Variants in KIF26B observed in about 807,000 individuals in gnomAD.
KIF26B encodes the protein kinesin-like protein KIF26B.
In KIF26B, 63 loss-of-function variants were observed where a neutral mutation model predicts 151.2. That is an observed-to-expected ratio of 0.42 (90% CI 0.34 to 0.51). The LOEUF is 0.51. Among genes scored for constraint, KIF26B ranks in the 20% least tolerant of loss-of-function variants. The probability of loss-of-function intolerance (pLI) is 0.07; values close to 1 mark genes in which losing one functional copy is unlikely to be tolerated. For missense variants in KIF26B, 2,813 were observed against 2,913.6 expected (o/e 0.97, Z 0.79); for synonymous variants, 1,357 against 1,262.1 (o/e 1.08, Z -1.59).
chr1:245,236,431 C>T (rs1251963644), intron 2 of KIF26B, among the ~76,000 whole-genome samples: 1 of 152,018 alleles, frequency 6.6e-6, no homozygotes, highest in East Asian at 1.9e-4. Flanking sequence ...AAGGATATTG[C>T]GTATAAAATG....
intron 2 of KIF26B, among the ~76,000 whole-genome samples, chr1:245,260,657 G>A (rs1670618215): frequency 6.6e-6 from 1 of 152,152 alleles, no homozygotes; most frequent in African/African-American, 2.4e-5. Context: ...GCAGGAAGAG[G>A]GAAGTACTTC....
intron 2 of KIF26B, among the ~76,000 whole-genome samples, chr1:245,363,857 G>A (rs140214455): frequency 5.4e-4 from 82 of 152,336 alleles, no homozygotes; most frequent in Non-Finnish European, 1.0e-3. Flanking sequence ...GCCCAGCTGT[G>A]CTGAATGGCT....
At chr1:245,521,597 G>A (rs1661111985) in intron 4 of KIF26B, among the ~76,000 whole-genome samples, 1 of 152,010 alleles carries the variant, frequency 6.6e-6, no homozygotes, top group Non-Finnish European at 1.5e-5. Context: ...AGACTGGAAG[G>A]ACCCCCAGGC....
intron 10 of KIF26B, among the ~76,000 whole-genome samples, chr1:245,657,666 C>T (rs2147930257): frequency 6.6e-6 from 1 of 152,256 alleles, no homozygotes; most frequent in Admixed American, 6.5e-5. Context: ...CACCCCACCC[C>T]CACAGTCACA....
At position 245,512,483 on chromosome 1, in the gene KIF26B, A is replaced by C. The variant is rs2103084767; in HGVS notation, c.1167-28284A>C. 6.6e-6 allele frequency among the ~76,000 whole-genome samples: 1 copy of C among 152,296 alleles called. No individual in the cohort carries two copies. Among genetic ancestry groups the C allele is most frequent in the South Asian group, 2.1e-4 (1 of 4,826 alleles). The stretch of plus-strand genomic sequence containing the variant: ...TCAGTTCTGTGAGCAGTAGAATGAG[A>C]TCATATCTTACAAACCTGACCCAAA... On this transcript the variant is annotated intron_variant, in intron 4 of 14. Transcript: ENST00000407071. The surrounding 1 kb of genome is among the most constrained non-coding windows in gnomAD (Gnocchi z 4.3).
intron 3 of KIF26B, among the ~76,000 whole-genome samples, chr1:245,413,351 A>G (rs1674333473): frequency 6.6e-6 from 1 of 152,196 alleles, no homozygotes; most frequent in Non-Finnish European, 1.5e-5. Context: ...ACGCAGATGT[A>G]AGCCATAGTC....
At chr1:245,537,823 G>A (rs1661519811) in intron 4 of KIF26B, among the ~76,000 whole-genome samples, 2 of 152,198 alleles carry the variant, frequency 1.3e-5, no homozygotes, top group South Asian at 4.1e-4. Context: ...TGGAATTGTT[G>A]AAGAGGTAAT....
intron 9 of KIF26B, among the ~76,000 whole-genome samples, chr1:245,630,880 A>G (rs114354770): frequency 0.012 from 1,885 of 152,004 alleles, 43 homozygotes; most frequent in African/African-American, 0.043. Flanking sequence ...ACCTCCTTAC[A>G]TTTATTCCTA....
chr1:245,336,025 C>A (rs1672222867), intron 2 of KIF26B, among the ~76,000 whole-genome samples: 1 of 112,648 alleles, frequency 8.9e-6, no homozygotes, highest in Non-Finnish European at 1.6e-5. Flanking sequence ...AGGGAGAGTC[C>A]CACGCAGGGA....
At chr1:245,477,951 A>T (rs1446843050) in intron 4 of KIF26B, among the ~76,000 whole-genome samples, 1 of 151,564 alleles carries the variant, frequency 6.6e-6, no homozygotes, top group Non-Finnish European at 1.5e-5. Flanking sequence ...CATTTTCTTC[A>T]CCCCAAAAAT....
chr1:245,198,949 G>C (rs1669246433), intron 2 of KIF26B, among the ~76,000 whole-genome samples: 3 of 151,504 alleles, frequency 2.0e-5, no homozygotes, highest in Non-Finnish European at 3.0e-5. Context: ...GCAGCGTCGG[G>C]GGAGGCGGGA....
At chr1:245,422,746 C>T (rs916410810) in intron 4 of KIF26B, among the ~76,000 whole-genome samples, 4 of 152,132 alleles carry the variant, frequency 2.6e-5, no homozygotes, top group East Asian at 1.9e-4. Context: ...TCTGAGTCTG[C>T]GGGGCCCTGG....
At chr1:245,416,112 CAA>C (rs375247191) in intron 3 of KIF26B, among the ~76,000 whole-genome samples, 41,730 of 124,760 alleles carry the variant, frequency 0.33, 6,504 homozygotes, top group South Asian at 0.42. Flanking sequence ...AGTAAAAATA[CAA>C]AAAAAAAAAA....
chr1:245,394,684 CTTTCTTTTT>C (rs1400751285), intron 3 of KIF26B, among the ~76,000 whole-genome samples: 17 of 124,420 alleles, frequency 1.4e-4, no homozygotes, highest in African/African-American at 6.3e-4. Context: ...AAGTTTTTTT[CTTTCTTTTT>C]TTTTTTTTTT....
intron 5 of KIF26B, among the ~76,000 whole-genome samples, chr1:245,576,409 T>C (rs2103126141): frequency 6.6e-6 from 1 of 151,962 alleles, no homozygotes; most frequent in African/African-American, 2.4e-5. Flanking sequence ...TTTGTGGAGG[T>C]GTAGTGAATT....
intron 4 of KIF26B, among the ~76,000 whole-genome samples, chr1:245,462,074 G>T (rs1659660326): frequency 1.3e-5 from 2 of 152,114 alleles, no homozygotes; most frequent in Admixed American, 1.3e-4. Flanking sequence ...AGTGAGCTAT[G>T]ATTGTACCAC....
At chr1:245,425,010 A>G (rs983385930) in intron 4 of KIF26B, among the ~76,000 whole-genome samples, 19 of 152,056 alleles carry the variant, frequency 1.2e-4, no homozygotes, top group Middle Eastern at 3.2e-3. Flanking sequence ...ACTGATCGTC[A>G]AGTTGGTTAA....
chr1:245,325,481 A>T (rs1671971793), intron 2 of KIF26B, among the ~76,000 whole-genome samples: 1 of 152,198 alleles, frequency 6.6e-6, no homozygotes, highest in South Asian at 2.1e-4. Context: ...TGGAAAGCCG[A>T]GGCAGGCAGA....
chr1:245,697,993 G>GAT (rs977240436), intron 12 of KIF26B, 113 bp from the exon 13 acceptor site: 26 of 920,344 alleles, frequency 2.8e-5, no homozygotes, highest in Admixed American at 5.4e-5. Flanking sequence ...GTGAGCTATG[G>GAT]ATCGCACCAC....
Sources: gnomAD v4.1 joint callset for allele counts (sites outside exome capture counted in the v4.1 genomes callset) on GRCh38, gnomAD v4.1.1 for gene constraint, Gnocchi (gnomAD v3.1) non-coding constraint, MANE v1.5 for transcripts, NCBI Gene and HGNC (gene_info 2026-07-23, HGNC 2026-07-21) for gene names.